Variants in ABCE1 observed in about 807,000 individuals in gnomAD.
ABCE1 encodes the protein ATP-binding cassette sub-family E member 1.
A neutral mutation model predicts 83.4 loss-of-function variants in ABCE1; 22 were observed. That is an observed-to-expected ratio of 0.26 (90% CI 0.19 to 0.38). The LOEUF is 0.38. Ranked by LOEUF, ABCE1 falls within the 10% of genes least tolerant of loss-of-function variation. The pLI, the probability that ABCE1 is intolerant of heterozygous loss-of-function variation, is 1.00. For synonymous variants in ABCE1, 204 were observed against 233.7 expected, an observed-to-expected ratio of 0.87 and a Z score of 1.16; for missense variants, 330 against 721.9, an observed-to-expected ratio of 0.46 and a Z score of 6.22.
intron 16 of ABCE1, 128 bp from the exon 17 acceptor site, chr4:145,124,862 A>G: frequency 1.6e-6 from 1 of 627,668 alleles, no homozygotes; most frequent in Non-Finnish European, 2.8e-6. Context: ...CTGTTATTAT[A>G]CTGTTATCCA....
intron 9 of ABCE1, among the ~76,000 whole-genome samples, chr4:145,116,659 A>G (rs1461600137): frequency 6.6e-6 from 1 of 151,988 alleles, no homozygotes; most frequent in Non-Finnish European, 1.5e-5. Context: ...CTTCTATTCC[A>G]GCCAATACTG....
chr4:145,127,134 T>C (rs984690911), intron 17 of ABCE1, among the ~76,000 whole-genome samples: 3 of 152,164 alleles, frequency 2.0e-5, no homozygotes, highest in Non-Finnish European at 4.4e-5. Context: ...AAACTTTATA[T>C]ATATATATTT....
At chr4:145,104,652 AGTTT>A in intron 2 of ABCE1, 137 bp downstream of exon 2, 1 of 545,730 alleles carries the variant, frequency 1.8e-6, no homozygotes, top group Non-Finnish European at 2.9e-6. Context: ...CAAGAAAAGT[AGTTT>A]GTTCTAAATT....
chr4:145,126,028 G>A (rs1019287943), intron 17 of ABCE1, among the ~76,000 whole-genome samples: 3 of 152,180 alleles, frequency 2.0e-5, no homozygotes, highest in Middle Eastern at 3.4e-3. Flanking sequence ...GCAACAGAGC[G>A]AGTCTCTGTC....
rs1749420672 is a variant in ABCE1 at position 145,109,960 on chromosome 4, T to G, written c.406-143T>G. ...TTGCTGCTATAGGGAAATGAGACTT[T>G]TATTAATTATGTTCGCCTCCAACCT... is the stretch of plus-strand genomic sequence containing the variant. On this transcript the variant is annotated intron_variant, in intron 5 of 17. Transcript: ENST00000296577. 3 of 701,460 alleles carry G rather than the reference T, an allele frequency of 4.3e-6. No individual in the cohort carries two copies. In the South Asian group the frequency reaches 7.8e-5, roughly 18 times the overall value. The allele number at this position is 701,460 out of a possible 1,614,324, so 43.5% of individuals were successfully genotyped here. A position where few individuals can be genotyped will look rare whatever the true frequency, so the allele number is the denominator to read the frequency against.
intron 10 of ABCE1, 48 bp from the exon 11 acceptor site, chr4:145,119,884 A>AT (rs1001294815): frequency 1.4e-6 from 2 of 1,412,960 alleles, no homozygotes; most frequent in African/African-American, 2.9e-5. Context: ...AGAGCTTAGG[A>AT]TTTTGGCTCT....
intron 1 of ABCE1, among the ~76,000 whole-genome samples, chr4:145,099,440 GT>G (rs1749050057): frequency 6.6e-6 from 1 of 152,192 alleles, no homozygotes; most frequent in Admixed American, 6.5e-5. Context: ...CTAATACTTT[GT>G]TAGTGTAACC....
At position 145,108,151 on chromosome 4, in the gene ABCE1, A is replaced by G. The variant is rs367820342; in HGVS notation, c.287+39A>G. 1.2e-5 allele frequency: 18 copies of G among 1,562,340 alleles called. No individual in the cohort carries two copies. In the African/African-American group the frequency reaches 2.2e-4, roughly 19 times the overall value. ...TCAGGATTCCTCTTCTGTCAAGTTA[A>G]GAGTAAAATACATTTGGGATTTTAA... On this transcript the variant is annotated intron_variant, in intron 4 of 17. Transcript: ENST00000296577.
intron 13 of ABCE1, chr4:145,122,680 G>A: frequency 5.9e-6 from 1 of 169,534 alleles, no homozygotes; most frequent in Non-Finnish European, 1.3e-5. Context: ...GCATGGTGGT[G>A]CATGCCTGTA....
At chr4:145,106,551 A>C (rs1189563509) in intron 3 of ABCE1, among the ~76,000 whole-genome samples, 1 of 152,088 alleles carries the variant, frequency 6.6e-6, no homozygotes, top group Non-Finnish European at 1.5e-5. Flanking sequence ...GTGCTGTAAG[A>C]AAATTATATT....
chr4:145,127,518 T>C lies in ABCE1; in HGVS notation c.1753-8T>C. ...GCTGATTTTTGTGGCTTCTGTTTTCTTTTTTAGGATGTAGAACAAAAGAAG... is the reference window on the plus strand; with the variant it reads ...GCTGATTTTTGTGGCTTCTGTTTTCCTTTTTAGGATGTAGAACAAAAGAAG... On this transcript the variant is annotated splice_region_variant and splice_polypyrimidine_tract_variant and intron_variant, in intron 17 of 17. Coordinates refer to ENST00000296577, the MANE Select transcript of ABCE1 (RefSeq NM_002940.3). 2 of 1,582,142 alleles carry C rather than the reference T, an allele frequency of 1.3e-6. No homozygotes were observed. Among genetic ancestry groups the C allele is most frequent in the Non-Finnish European group, 1.7e-6 (2 of 1,169,332 alleles).
At chr4:145,098,604 GCGCCTCGGT>G (rs1363585948) in intron 1 of ABCE1, 185 bp downstream of exon 1, 1 of 152,300 alleles carries the variant, frequency 6.6e-6, no homozygotes, top group African/African-American at 2.4e-5. Context: ...GAGCTTGGGG[GCGCCTCGGT>G]CTTCCCCTCC....
chr4:145,107,873 G>A (rs1749351058), intron 3 of ABCE1, 142 bp from the exon 4 acceptor site: 1 of 658,244 alleles, frequency 1.5e-6, no homozygotes, highest in South Asian at 2.2e-5. Flanking sequence ...TAAGTAAATA[G>A]TAGAAGGAAA....
At chr4:145,126,234 TCAGAAA>T (rs1196497969) in intron 17 of ABCE1, among the ~76,000 whole-genome samples, 2 of 152,168 alleles carry the variant, frequency 1.3e-5, no homozygotes, top group Non-Finnish European at 1.5e-5. Flanking sequence ...TCTTAGTCAC[TCAGAAA>T]CAGAAAGTAA....
intron 14 of ABCE1, 28 bp from the exon 15 acceptor site, chr4:145,123,187 A>AC: frequency 6.3e-7 from 1 of 1,596,152 alleles, no homozygotes; most frequent in South Asian, 1.1e-5. Flanking sequence ...GGATGCCTTT[A>AC]CATGGTTTGC....
chr4:145,120,776 T>C (rs1452503546), intron 11 of ABCE1, among the ~76,000 whole-genome samples: 3 of 152,118 alleles, frequency 2.0e-5, no homozygotes, highest in African/African-American at 7.2e-5. Context: ...GAATTTTGAA[T>C]TGGGTTGCAA....
intron 17 of ABCE1, among the ~76,000 whole-genome samples, chr4:145,127,084 C>T (rs553730252): frequency 2.6e-5 from 4 of 152,106 alleles, no homozygotes; most frequent in Non-Finnish European, 5.9e-5. Flanking sequence ...AACAGCTCAA[C>T]AAGTAGGTAG....
chr4:145,101,753 A>G (rs1217971817), intron 1 of ABCE1, among the ~76,000 whole-genome samples: 1 of 152,226 alleles, frequency 6.6e-6, no homozygotes, highest in Non-Finnish European at 1.5e-5. Context: ...CAAATGGAAG[A>G]CTGGAGTTGC....
At chr4:145,120,252 C>A in intron 11 of ABCE1, 99 bp downstream of exon 11, 1 of 1,018,574 alleles carries the variant, frequency 9.8e-7, no homozygotes, top group Non-Finnish European at 1.4e-6. Flanking sequence ...TGTTATAGGG[C>A]TAGAAGCAGA....
Sources: allele counts gnomAD v4.1 joint callset (sites outside exome capture counted in the v4.1 genomes callset), GRCh38; gene constraint gnomAD v4.1.1; transcripts MANE v1.5; gene names NCBI Gene and HGNC (gene_info 2026-07-23, HGNC 2026-07-21).